Variants in TNNI2 observed in about 807,000 individuals in gnomAD.
TNNI2 encodes the protein troponin I, fast skeletal muscle.
TNNI2 carries 14 observed loss-of-function variants against 26.5 expected under a neutral mutation model. The ratio of observed to expected loss-of-function variants is 0.53; its 90% confidence interval spans 0.35 to 0.83. The LOEUF is 0.83. Ranked by LOEUF, TNNI2 falls within the 40% of genes least tolerant of loss-of-function variation. The probability of loss-of-function intolerance (pLI) is 0.01; values close to 1 mark genes in which losing one functional copy is unlikely to be tolerated. For synonymous variants in TNNI2, 126 were observed against 97.6 expected (o/e 1.29, Z -1.71); for missense variants, 205 against 248.5 (o/e 0.82, Z 1.18).
At chr11:1,840,054 A>C (rs903484593) in intron 3 of TNNI2, 199 bp downstream of exon 3, 4 of 1,058,276 alleles carry the variant, frequency 3.8e-6, no homozygotes, top group Non-Finnish European at 5.5e-6. Flanking sequence ...GGGGCAGGGG[A>C]AGTGTGGCTG....
In TNNI2 at chr11:1,841,610, A is replaced by G; in HGVS notation, c.*59A>G. 1 of 1,499,804 alleles carries G rather than the reference A, an allele frequency of 6.7e-7. No homozygotes were observed. The highest frequency in any genetic ancestry group is 2.3e-5 in the East Asian group (1 of 44,104). The allele number at this position is 1,499,804 out of a possible 1,614,324, so 92.9% of individuals were successfully genotyped here. On this transcript the variant is annotated 3_prime_UTR_variant, in exon 8 of 8. Coordinates refer to ENST00000381911, the MANE Select transcript of TNNI2 (RefSeq NM_003282.4). ...CGGCTCCCAGCAGAACATACTAGGG[A>G]GATGCACCCAGAGCCTGCCAGGGAG...
At chr11:1,841,325 C>T in intron 7 of TNNI2, 118 bp downstream of exon 7, 2 of 1,533,720 alleles carry the variant, frequency 1.3e-6, no homozygotes, top group South Asian at 1.1e-5. Context: ...GTACCACTGC[C>T]CCTCCAGGGT....
At chr11:1,840,317 C>A in intron 3 of TNNI2, 86 bp from the exon 4 acceptor site, 1 of 1,550,330 alleles carries the variant, frequency 6.5e-7, no homozygotes, top group South Asian at 1.2e-5. Flanking sequence ...AGCCGGAGCC[C>A]CTGACCTGGC....
Position 1,839,836 on chromosome 11 carries a change from C to G in TNNI2, c.9-13C>G, listed in dbSNP as rs768267278. 6.2e-7 allele frequency: 1 copy of G among 1,613,788 alleles called. No homozygotes were observed. Among genetic ancestry groups the G allele is most frequent in the Non-Finnish European group, 8.5e-7 (1 of 1,179,882 alleles). On this transcript the variant is annotated splice_polypyrimidine_tract_variant and intron_variant, in intron 2 of 7. Coordinates refer to ENST00000381911, the MANE Select transcript of TNNI2 (RefSeq NM_003282.4). ...CTCTCCCCGTCCTGCCTGCGTCCTC[C>G]CTCCCTGGACAGTGAGGAGGTAAGT... is the stretch of plus-strand genomic sequence containing the variant.
rs990365168 is a variant in TNNI2 at position 1,839,616 on chromosome 11, G to T, written c.-22-59G>T. 120 of 1,599,768 alleles carry T rather than the reference G, an allele frequency of 7.5e-5. 2 individuals carry two copies. The highest frequency in any genetic ancestry group is 9.7e-5 in the Non-Finnish European group (113 of 1,170,272). ...TGAACCCCTCACCACCTACCTGATG[G>T]GCACAGGCATCACGGTGGCAAGGGC... On this transcript the variant is annotated intron_variant, in intron 1 of 7. Transcript: ENST00000381911.
At chr11:1,839,606 C>A in intron 1 of TNNI2, 69 bp from the exon 2 acceptor site, 1 of 1,582,240 alleles carries the variant, frequency 6.3e-7, no homozygotes, top group Non-Finnish European at 8.6e-7. Flanking sequence ...CCCTCACCAC[C>A]TACCTGATGG....
intron 1 of TNNI2, among the ~76,000 whole-genome samples, 155 bp downstream of exon 1, chr11:1,839,188 C>T (rs1253562355): frequency 6.6e-6 from 1 of 152,156 alleles, no homozygotes. Context: ...GAAGGAGAGG[C>T]TTTGGGGAGG....
chr11:1,841,389 G>T (rs1847178311), intron 7 of TNNI2, 67 bp from the exon 8 acceptor site: 2 of 1,570,266 alleles, frequency 1.3e-6, no homozygotes, highest in African/African-American at 1.3e-5. Context: ...GAGGCTGAAG[G>T]TGGTGTGGAC....
At chr11:1,839,340 C>A in intron 1 of TNNI2, 1 of 379,656 alleles carries the variant, frequency 2.6e-6, no homozygotes, top group Non-Finnish European at 5.0e-6. Context: ...CTTCCATGCA[C>A]TTAGGCCCAA....
At chr11:1,840,473 C>T (rs1458216399) in intron 4 of TNNI2, 29 bp downstream of exon 4, 3 of 1,610,554 alleles carry the variant, frequency 1.9e-6, no homozygotes, top group Non-Finnish European at 2.5e-6. Flanking sequence ...GGGGGTGGCC[C>T]AGGTGGGTCT....
At position 1,841,108 on chromosome 11, in the gene TNNI2, G is replaced by C; in HGVS notation, c.354G>C (p.Ser118=). 1 of 1,613,226 alleles carries C rather than the reference G, an allele frequency of 6.2e-7. No individual in the cohort carries two copies. The highest frequency in any genetic ancestry group is 8.5e-7 in the Non-Finnish European group (1 of 1,179,966). ...KRPPLRRVRM[S]ADAMLKALLG... ...CCCCACTGCGGAGGGTGCGCATGTC[G>C]GCCGATGCCATGCTCAAGGCCCTGC... Residue 118 remains serine (S), a synonymous_variant, in exon 7 of 8, where the codon TCG becomes TCC. Transcript: ENST00000381911.
rs960009132 is a variant in TNNI2 at position 1,841,655 on chromosome 11, G to A, written c.*104G>A. 1.5e-5 allele frequency: 15 copies of A among 1,014,994 alleles called. No homozygotes were observed. The highest frequency in any genetic ancestry group is 5.1e-5 in the East Asian group (2 of 39,148). The allele number at this position is 1,014,994 out of a possible 1,614,324, so 62.9% of individuals were successfully genotyped here. On this transcript the variant is annotated 3_prime_UTR_variant, in exon 8 of 8. Coordinates refer to ENST00000381911, the MANE Select transcript of TNNI2 (RefSeq NM_003282.4). ...AGGGAGGGCTGGCCTCACCACCACCGTCAATAAAGGATTTGAATCCCCATG... is the reference window on the plus strand; with the variant it reads ...AGGGAGGGCTGGCCTCACCACCACCATCAATAAAGGATTTGAATCCCCATG...
At position 1,841,078 on chromosome 11, in the gene TNNI2, G is replaced by A. The variant is rs770374602; in HGVS notation, c.324G>A (p.Lys108=). The change falls in exon 7 of 8, where the codon AAG becomes AAA. Residue 108 remains lysine, a synonymous_variant. Coordinates refer to ENST00000381911, the MANE Select transcript of TNNI2 (RefSeq NM_003282.4). ...QKLFDLRGKF[K]RPPLRRVRMS... is the part of the protein sequence containing the mutation. ...TATTTGATCTGCGGGGCAAGTTCAA[G>A]CGGCCCCCACTGCGGAGGGTGCGCA... The A allele has an allele frequency of 9.3e-6, 15 of 1,613,092 alleles. No homozygotes were observed. The African/African-American group carries it at 1.6e-4, about 17-fold the overall frequency.
chr11:1,840,125 C>A, intron 3 of TNNI2: 1 of 1,352,176 alleles, frequency 7.4e-7, no homozygotes, highest in South Asian at 1.3e-5. Flanking sequence ...GCCCCCACCT[C>A]ACCGGCCGAC....
chr11:1,839,220 A>T (rs1477616556), intron 1 of TNNI2, among the ~76,000 whole-genome samples, 187 bp downstream of exon 1: 2 of 152,144 alleles, frequency 1.3e-5, no homozygotes, highest in African/African-American at 4.8e-5. Flanking sequence ...AGAGGCAGGT[A>T]TTAGACACTC....
chr11:1,841,221 G>A lies in TNNI2; in HGVS notation c.453+14G>A. 6.2e-7 allele frequency: 1 copy of A among 1,609,348 alleles called. No individual in the cohort carries two copies. Among genetic ancestry groups the A allele is most frequent in the Admixed American group, 1.7e-5 (1 of 59,972 alleles). ...GACACAGAGAAGGTGCGTGCCACGG[G>A]GGGAGCACCACCACACCTACCCTGC... On this transcript the variant is annotated intron_variant, in intron 7 of 7. Coordinates refer to ENST00000381911, the MANE Select transcript of TNNI2 (RefSeq NM_003282.4).
chr11:1,839,938 C>A (rs954791103), intron 3 of TNNI2, 83 bp downstream of exon 3: 40 of 1,585,506 alleles, frequency 2.5e-5, no homozygotes, highest in Non-Finnish European at 3.3e-5. Context: ...AGCCTCAAGG[C>A]CCTAAGGCCC....
chr11:1,841,062 T>C lies in TNNI2; in HGVS notation c.308T>C (p.Leu103Pro). The change falls in exon 7 of 8, where the codon CTG becomes CCG. Residue 103 changes from leucine (L) to proline (P), a missense_variant. Coordinates refer to ENST00000381911, the MANE Select transcript of TNNI2 (RefSeq NM_003282.4). ...LEDMNQKLFD[L>P]RGKFKRPPLR... ...GACATGAACCAGAAGCTATTTGATC[T>C]GCGGGGCAAGTTCAAGCGGCCCCCA... 1.2e-6 allele frequency: 2 copies of C among 1,613,066 alleles called. No individual in the cohort carries two copies. Among genetic ancestry groups the C allele is most frequent in the Non-Finnish European group, 1.7e-6 (2 of 1,179,924 alleles).
chr11:1,841,018 C>A lies in TNNI2; in HGVS notation c.277-13C>A. The A allele has an allele frequency of 6.2e-7, 1 of 1,611,798 alleles. No individual in the cohort carries two copies. Among genetic ancestry groups the A allele is most frequent in the South Asian group, 1.1e-5 (1 of 90,946 alleles). ...CGGGACCTCGGGCTCCCACCCGGCTCCCCTGCCCACAGCTGGAGGACATGA... is the reference window on the plus strand; with the variant it reads ...CGGGACCTCGGGCTCCCACCCGGCTACCCTGCCCACAGCTGGAGGACATGA... On this transcript the variant is annotated splice_polypyrimidine_tract_variant and intron_variant, in intron 6 of 7. Transcript: ENST00000381911.
Sources: gnomAD v4.1 joint callset for allele counts (sites outside exome capture counted in the v4.1 genomes callset) on GRCh38, gnomAD v4.1.1 for gene constraint, MANE v1.5 for transcripts, NCBI Gene and HGNC (gene_info 2026-07-23, HGNC 2026-07-21) for gene names.